SDK1: variants seen among roughly 807,000 people sequenced by gnomAD.
SDK1 encodes the protein protein sidekick-1.
A neutral mutation model predicts 245.5 loss-of-function variants in SDK1; 157 were observed. That is an observed-to-expected ratio of 0.64 (90% CI 0.56 to 0.73). The LOEUF (loss-of-function observed/expected upper bound fraction) is 0.73, where lower values mean the gene tolerates loss of function less well. Among genes scored for constraint, SDK1 ranks in the 30% least tolerant of loss-of-function variants. The pLI, the probability that SDK1 is intolerant of heterozygous loss-of-function variation, is 0.00. For synonymous variants in SDK1, 1,647 were observed against 1,278.5 expected, an observed-to-expected ratio of 1.29 and a Z score of -6.15; for missense variants, 3,583 against 3,002.3, an observed-to-expected ratio of 1.19 and a Z score of -4.52.
chr7:3,665,423 T>A (rs1004059320), intron 4 of SDK1, among the ~76,000 whole-genome samples: 5 of 151,916 alleles, frequency 3.3e-5, no homozygotes, highest in African/African-American at 4.8e-5. Context: ...TCTGCTGCCT[T>A]ATATCACATT....
At position 4,083,734 on chromosome 7, in the gene SDK1, A is replaced by ACTTGCTCCC. The variant is rs1562785192; in HGVS notation, c.3324+4150_3324+4151insCTTGCTCCC. ...CCTCCCTCCCTTCTTTACTTCCTCCATCCCTCCCTTCCTTTACTTCCTGTC... is the reference window on the plus strand; with the variant it reads ...CCTCCCTCCCTTCTTTACTTCCTCCACTTGCTCCCTCCCTCCCTTCCTTTACTTCCTGTC... On this transcript the variant is annotated intron_variant, in intron 22 of 44. Transcript: ENST00000404826. Among the ~76,000 whole-genome samples the ACTTGCTCCC allele has an allele frequency of 2.9e-3, 12 of 4,114 alleles. 1 individual carries two copies. Among genetic ancestry groups the ACTTGCTCCC allele is most frequent in the African/African-American group, 4.9e-3 (7 of 1,436 alleles). 2.7% of individuals were successfully genotyped at this position (4,114 alleles called of 152,430 possible). A position where few individuals can be genotyped will look rare whatever the true frequency, so the allele number is the denominator to read the frequency against.
At chr7:3,662,986 A>G (rs948056395) in intron 4 of SDK1, among the ~76,000 whole-genome samples, 2 of 152,226 alleles carry the variant, frequency 1.3e-5, no homozygotes, top group African/African-American at 2.4e-5. Context: ...TGTATTATGT[A>G]TATGCAAGTA....
chr7:4,033,298 C>A (rs1368103872), intron 17 of SDK1, among the ~76,000 whole-genome samples: 1 of 152,098 alleles, frequency 6.6e-6, no homozygotes, highest in Non-Finnish European at 1.5e-5. Context: ...CCCCCATATA[C>A]AAGGATACAT....
intron 1 of SDK1, among the ~76,000 whole-genome samples, chr7:3,566,628 A>G (rs1399652205): frequency 6.6e-6 from 1 of 152,098 alleles, no homozygotes; most frequent in Non-Finnish European, 1.5e-5. Context: ...ACAGATGGGC[A>G]GATGACAGAA....
chr7:3,452,196 A>G (rs1443078282), intron 1 of SDK1, among the ~76,000 whole-genome samples: 1 of 152,166 alleles, frequency 6.6e-6, no homozygotes, highest in African/African-American at 2.4e-5. Context: ...TCTTTAGGAC[A>G]GGTAGAATTT....
chr7:3,526,300 A>G (rs749946885), intron 1 of SDK1, among the ~76,000 whole-genome samples: 10 of 152,086 alleles, frequency 6.6e-5, no homozygotes, highest in African/African-American at 2.4e-4. Context: ...AGTTTTACAT[A>G]TAATTTACCA....
intron 22 of SDK1, among the ~76,000 whole-genome samples, chr7:4,106,486 CA>C (rs1782919363): frequency 6.6e-6 from 1 of 151,944 alleles, no homozygotes; most frequent in Non-Finnish European, 1.5e-5. Flanking sequence ...TTAGGAAAGA[CA>C]GGGTTTCACC....
intron 16 of SDK1, among the ~76,000 whole-genome samples, chr7:4,014,524 G>A (rs1455746742): frequency 1.3e-5 from 2 of 152,194 alleles, no homozygotes; most frequent in South Asian, 2.1e-4. Flanking sequence ...CTCTGTTTGC[G>A]AGTGTGTATC....
intron 1 of SDK1, among the ~76,000 whole-genome samples, chr7:3,618,780 C>T (rs200031809): frequency 6.6e-6 from 1 of 152,320 alleles, no homozygotes; most frequent in African/African-American, 2.4e-5. Context: ...CTTGTATGTA[C>T]AGGGATTGTC....
At chr7:3,835,454 C>A (rs376946097) in intron 5 of SDK1, among the ~76,000 whole-genome samples, 1 of 152,174 alleles carries the variant, frequency 6.6e-6, no homozygotes, top group Non-Finnish European at 1.5e-5. Flanking sequence ...ATGGGCTTTA[C>A]TACGTTGCTG....
intron 5 of SDK1, among the ~76,000 whole-genome samples, chr7:3,829,606 A>G (rs1296308934): frequency 6.6e-6 from 1 of 152,176 alleles, no homozygotes; most frequent in Non-Finnish European, 1.5e-5. Flanking sequence ...GCAGAACAAC[A>G]TATACCATGG....
intron 7 of SDK1, chr7:3,958,092 T>A (rs1781406949): frequency 2.2e-6 from 1 of 446,344 alleles, no homozygotes; most frequent in African/African-American, 2.1e-5. Flanking sequence ...CCAAGCTATC[T>A]TATCCACATT....
intron 1 of SDK1, among the ~76,000 whole-genome samples, chr7:3,464,571 C>G (rs1223259722): frequency 6.6e-6 from 1 of 152,080 alleles, no homozygotes; most frequent in African/African-American, 2.4e-5. Context: ...TTCATTCTGT[C>G]AGTGGCTCTT....
intron 1 of SDK1, among the ~76,000 whole-genome samples, chr7:3,374,244 C>A (rs900898252): frequency 1.3e-5 from 2 of 152,140 alleles, no homozygotes; most frequent in Admixed American, 6.5e-5. Context: ...ATGAGCAATA[C>A]CACCCCACTT....
intron 5 of SDK1, among the ~76,000 whole-genome samples, chr7:3,846,758 C>T (rs1294751675): frequency 1.3e-5 from 2 of 152,168 alleles, no homozygotes; most frequent in Non-Finnish European, 2.9e-5. Flanking sequence ...AGCACATTTC[C>T]TAGACAGCCG....
chr7:4,154,413 A>C (rs1475063672), intron 30 of SDK1, among the ~76,000 whole-genome samples: 1 of 152,188 alleles, frequency 6.6e-6, no homozygotes, highest in Non-Finnish European at 1.5e-5. Flanking sequence ...TATCTCAAAA[A>C]TATCCCTAAA....
chr7:4,007,472 G>A (rs939369736), intron 14 of SDK1, among the ~76,000 whole-genome samples: 1 of 152,130 alleles, frequency 6.6e-6, no homozygotes, highest in Non-Finnish European at 1.5e-5. Flanking sequence ...TAGGGAGGGC[G>A]GAGCTTGGAT....
intron 25 of SDK1, among the ~76,000 whole-genome samples, chr7:4,122,739 CTT>C (rs752537015): frequency 7.9e-5 from 12 of 152,122 alleles, no homozygotes; most frequent in Non-Finnish European, 1.3e-4. Flanking sequence ...CATGGAATGG[CTT>C]TGTTTTTAAT....
intron 17 of SDK1, among the ~76,000 whole-genome samples, chr7:4,022,776 C>CT (rs770558246): frequency 0.07 from 9,662 of 138,110 alleles, 459 homozygotes; most frequent in East Asian, 0.18. Flanking sequence ...TTCTTTCTTT[C>CT]TTTTTTTTTT....
Sources: allele counts gnomAD v4.1 joint callset (sites outside exome capture counted in the v4.1 genomes callset), GRCh38; gene constraint gnomAD v4.1.1; transcripts MANE v1.5; gene names NCBI Gene and HGNC (gene_info 2026-07-23, HGNC 2026-07-21).